NDUFA5: variants seen among roughly 807,000 people sequenced by gnomAD.
NDUFA5 encodes the protein NADH:ubiquinone oxidoreductase subunit A5.
A neutral mutation model predicts 19.8 loss-of-function variants in NDUFA5; 11 were observed. The ratio of observed to expected loss-of-function variants is 0.56; its 90% CI spans 0.35 to 0.92. The LOEUF (loss-of-function observed/expected upper bound fraction) is 0.92. Among genes scored for constraint, NDUFA5 ranks in the 40% least tolerant of loss-of-function variants. The pLI, the probability that NDUFA5 is intolerant of heterozygous loss-of-function variation, is 0.01. For missense variants in NDUFA5, 109 were observed against 134.2 expected, an observed-to-expected ratio of 0.81 and a Z score of 0.93; for synonymous variants, 47 against 46.8, an observed-to-expected ratio of 1.00 and a Z score of -0.01.
Position 123,550,602 on chromosome 7 carries a change from A to G in NDUFA5, c.67-16T>C, listed in dbSNP as rs748857162. Reference sequence around the variant, plus strand: ...TTCTTAGCCTCTGAAAAGACAAACCATACAAATTTCCATAGGTTAAAATAT... The same window carrying G: ...TTCTTAGCCTCTGAAAAGACAAACCGTACAAATTTCCATAGGTTAAAATAT... On this transcript the variant is annotated splice_polypyrimidine_tract_variant and intron_variant, in intron 2 of 4. Transcript: ENST00000355749. The G allele has an allele frequency of 4.5e-5, 66 of 1,482,130 alleles. No individual in the cohort carries two copies. The highest frequency in any genetic ancestry group is 5.8e-5 in the Non-Finnish European group (62 of 1,070,206). 91.8% of individuals were successfully genotyped at this position (1,482,130 alleles called of 1,614,324 possible).
chr7:123,594,743 G>A, the NDUFA5 span, among the ~76,000 whole-genome samples: 1 of 152,152 alleles, frequency 6.6e-6, no homozygotes, highest in African/African-American at 2.4e-5. Flanking sequence ...CGGGGGTCAG[G>A]GACCCACTTA....
At chr7:123,580,738 G>A in the NDUFA5 span, among the ~76,000 whole-genome samples, 1 of 151,872 alleles carries the variant, frequency 6.6e-6, no homozygotes, top group South Asian at 2.1e-4. Context: ...GCAACCTTGT[G>A]CAGTATACAA....
chr7:123,594,712 G>A, the NDUFA5 span, among the ~76,000 whole-genome samples: 1 of 152,150 alleles, frequency 6.6e-6, no homozygotes, highest in Non-Finnish European at 1.5e-5. Flanking sequence ...CTACTGGGAG[G>A]AGTCTCCCTG....
At chr7:123,599,808 T>C in the NDUFA5 span, among the ~76,000 whole-genome samples, 1 of 152,200 alleles carries the variant, frequency 6.6e-6, no homozygotes, top group African/African-American at 2.4e-5. Context: ...CAGTGTCATT[T>C]TGTATACCTT....
the NDUFA5 span, among the ~76,000 whole-genome samples, chr7:123,565,794 ATT>A: frequency 1.3e-5 from 2 of 152,208 alleles, no homozygotes; most frequent in East Asian, 3.9e-4. Flanking sequence ...AGGCGGGTGG[ATT>A]TCCTGAGGTC....
the NDUFA5 span, among the ~76,000 whole-genome samples, chr7:123,597,065 A>C: frequency 6.6e-6 from 1 of 152,254 alleles, no homozygotes; most frequent in Admixed American, 6.5e-5. Context: ...TCCCTCTTAC[A>C]CACGGTTTTG....
the NDUFA5 span, among the ~76,000 whole-genome samples, chr7:123,601,368 C>T: frequency 6.6e-6 from 1 of 151,980 alleles, no homozygotes; most frequent in East Asian, 1.9e-4. Context: ...GTATATCAGA[C>T]TAGCAATTAT....
At chr7:123,594,134 C>T in the NDUFA5 span, among the ~76,000 whole-genome samples, 1 of 152,040 alleles carries the variant, frequency 6.6e-6, no homozygotes. Flanking sequence ...TCCATCAGGT[C>T]ATTTAAGCTC....
upstream of NDUFA5, among the ~76,000 whole-genome samples, chr7:123,562,696 G>C (rs1269277108): frequency 1.3e-5 from 2 of 152,042 alleles, no homozygotes; most frequent in Non-Finnish European, 2.9e-5. Flanking sequence ...ATTAGGTTTT[G>C]GCTTAAGGGA....
chr7:123,558,422 C>T (rs1057405109), upstream of NDUFA5, among the ~76,000 whole-genome samples: 1 of 152,212 alleles, frequency 6.6e-6, no homozygotes, highest in Non-Finnish European at 1.5e-5. Context: ...ACTGACCACT[C>T]ACTATGTGTC....
the NDUFA5 span, among the ~76,000 whole-genome samples, chr7:123,596,168 TG>T: frequency 0.3 from 44,850 of 151,652 alleles, 6,754 homozygotes; most frequent in East Asian, 0.4. Flanking sequence ...CCTCTTATAT[TG>T]GAAAAAAAAA....
intron 3 of NDUFA5, among the ~76,000 whole-genome samples, chr7:123,546,308 T>A (rs1798132490): frequency 6.6e-6 from 1 of 152,172 alleles, no homozygotes; most frequent in South Asian, 2.1e-4. Context: ...TACATACTAA[T>A]GATTTCATTT....
At chr7:123,551,245 A>G (rs1414123077) in intron 2 of NDUFA5, 2 of 121,714 alleles carry the variant, frequency 1.6e-5, no homozygotes, top group East Asian at 2.4e-4. Flanking sequence ...TTTCGCTCTT[A>G]TAGCCCAGGC....
At chr7:123,556,496 G>A (rs150018316) in intron 2 of NDUFA5, 1 of 171,064 alleles carries the variant, frequency 5.8e-6, no homozygotes, top group African/African-American at 2.4e-5. Context: ...GGGCATAAGA[G>A]AAATAACCAG....
Position 123,540,976 on chromosome 7 carries a change from A to C in NDUFA5, c.*1143T>G, listed in dbSNP as rs1797927596. 6.6e-6 allele frequency: 1 copy of C among 151,940 alleles called. No homozygotes were observed. Among genetic ancestry groups the C allele is most frequent in the African/African-American group, 2.4e-5 (1 of 41,328 alleles). The allele number at this position is 151,940 out of a possible 1,614,324, so 9.4% of individuals were successfully genotyped here. A position where few individuals can be genotyped will look rare whatever the true frequency, so the allele number is the denominator to read the frequency against. ...CACAAGAGTATAGTACTATCTATGA[A>C]GGAAAGAGATACCACGTTAAATTTA... On this transcript the variant is annotated 3_prime_UTR_variant, in exon 5 of 5. Transcript: ENST00000355749.
chr7:123,572,116 G>T, the NDUFA5 span, among the ~76,000 whole-genome samples: 1 of 133,244 alleles, frequency 7.5e-6, no homozygotes, highest in Non-Finnish European at 1.6e-5. Context: ...TGATTTTACA[G>T]TGATTGTAGA....
chr7:123,580,491 C>T, the NDUFA5 span, among the ~76,000 whole-genome samples: 1 of 152,016 alleles, frequency 6.6e-6, no homozygotes, highest in East Asian at 1.9e-4. Context: ...ACTTAACCCC[C>T]TAAGCCTTAC....
In NDUFA5 at chr7:123,542,213, T is replaced by C. The variant is rs149177143; in HGVS notation, c.257A>G (p.His86Arg). ...QLEEVILQAE[H>R]ELNLARKMRE... ...CATTTTTCTTGCCAGATTTAGTTCA[T>C]GTTCAGCCTGTTAATACAAATTTTT... is the stretch of plus-strand genomic sequence containing the variant. The change falls in exon 5 of 5, where the codon CAT becomes CGT. Residue 86 changes from histidine (H) to arginine (R), a missense_variant. By Grantham distance (29) the His-to-Arg change is conservative. Coordinates refer to ENST00000355749, the MANE Select transcript of NDUFA5 (RefSeq NM_005000.5). The C allele has an allele frequency of 1.3e-4, 216 of 1,609,556 alleles. No homozygotes were observed. The highest frequency in any genetic ancestry group is 1.7e-4 in the Non-Finnish European group (201 of 1,178,142).
upstream of NDUFA5, among the ~76,000 whole-genome samples, chr7:123,559,973 GA>G (rs571869094): frequency 1.5e-3 from 225 of 149,268 alleles, 1 homozygote; most frequent in South Asian, 6.6e-3. Context: ...AGTAGCATAT[GA>G]AAAAAAAATT....
Sources: gnomAD v4.1 joint callset for allele counts (sites outside exome capture counted in the v4.1 genomes callset) on GRCh38, gnomAD v4.1.1 for gene constraint, MANE v1.5 for transcripts, NCBI Gene and HGNC (gene_info 2026-07-23, HGNC 2026-07-21) for gene names.